USP34: variants seen among roughly 807,000 people sequenced by gnomAD.
USP34 encodes ubiquitin carboxyl-terminal hydrolase 34.
In USP34, 70 loss-of-function variants were observed where a neutral mutation model predicts 460.3. That is an observed-to-expected ratio of 0.15 (90% CI 0.13 to 0.19). The LOEUF (loss-of-function observed/expected upper bound fraction) is 0.19, where lower values mean the gene tolerates loss of function less well. Among genes scored for constraint, USP34 ranks in the 10% least tolerant of loss-of-function variants. The pLI is 1.00. For synonymous variants in USP34, 1,647 were observed against 1,405.3 expected (o/e 1.17, Z -3.85); for missense variants, 3,985 against 4,236.2 (o/e 0.94, Z 1.65).
chr2:61,271,553 A>T (rs1032949439), intron 41 of USP34, among the ~76,000 whole-genome samples: 2 of 152,288 alleles, frequency 1.3e-5, no homozygotes, highest in East Asian at 3.9e-4. Flanking sequence ...TAGGAATGAT[A>T]CTCATACTTT....
chr2:61,210,711 C>T, intron 69 of USP34, among the ~76,000 whole-genome samples: 1 of 151,988 alleles, frequency 6.6e-6, no homozygotes, highest in East Asian at 1.9e-4. Flanking sequence ...GTTAAGAAAG[C>T]TCCAAATCTT....
At chr2:61,329,804 TATAAG>T (rs1233744204) in intron 20 of USP34, among the ~76,000 whole-genome samples, 1 of 152,182 alleles carries the variant, frequency 6.6e-6, no homozygotes, top group Non-Finnish European at 1.5e-5. Context: ...TATAAACACT[TATAAG>T]GTAAATAATT....
At chr2:61,420,062 C>T (rs1471905271) in intron 2 of USP34, among the ~76,000 whole-genome samples, 2 of 152,152 alleles carry the variant, frequency 1.3e-5, no homozygotes, top group South Asian at 4.1e-4. Flanking sequence ...AGACTGTATA[C>T]CTCAGAACAT....
At chr2:61,429,038 T>A (rs958468796) in intron 1 of USP34, among the ~76,000 whole-genome samples, 6 of 151,834 alleles carry the variant, frequency 4.0e-5, no homozygotes, top group African/African-American at 1.5e-4. Context: ...AAAAATAAAA[T>A]AAATAAAAAG....
intron 75 of USP34, among the ~76,000 whole-genome samples, chr2:61,195,671 C>T (rs1031957372): frequency 6.6e-6 from 1 of 151,960 alleles, no homozygotes. Context: ...GACTCTGTCT[C>T]AAACAAAACA....
chr2:61,363,692 T>C (rs895232701), intron 10 of USP34, among the ~76,000 whole-genome samples: 3 of 152,198 alleles, frequency 2.0e-5, no homozygotes, highest in Admixed American at 1.3e-4. Context: ...AACATGGTTA[T>C]ACAACACATG....
intron 6 of USP34, among the ~76,000 whole-genome samples, chr2:61,380,833 G>C (rs1028316659): frequency 1.3e-5 from 2 of 152,182 alleles, no homozygotes; most frequent in African/African-American, 2.4e-5. Context: ...CCTGCTGGAT[G>C]AAAGAGAAGT....
At chr2:61,360,329 T>A (rs941892157) in intron 10 of USP34, among the ~76,000 whole-genome samples, 3 of 152,024 alleles carry the variant, frequency 2.0e-5, no homozygotes, top group African/African-American at 7.2e-5. Context: ...CTGTTAGAAC[T>A]AATAAATGAA....
chr2:61,267,184 A>G (rs937735992), intron 41 of USP34, among the ~76,000 whole-genome samples: 1 of 152,040 alleles, frequency 6.6e-6, no homozygotes, highest in South Asian at 2.1e-4. Context: ...TTTTCTTTTC[A>G]TGATTTTGCT....
rs753929320 is a variant in USP34 at position 61,350,664 on chromosome 2, G to A, written c.1281C>T (p.Asp427=). 2.0e-5 allele frequency: 32 copies of A among 1,613,046 alleles called. No individual in the cohort carries two copies. Among genetic ancestry groups the A allele is most frequent in the Non-Finnish European group, 2.7e-5 (32 of 1,179,716 alleles). Residue 427 remains aspartate, a synonymous_variant, in exon 11 of 80, where the codon GAC becomes GAT. Coordinates refer to ENST00000398571, the MANE Select transcript of USP34 (RefSeq NM_014709.4). ...AATTCTTGATGAGTGAAGGAAATAA[G>A]TCATGTATATACCGACTACAATGTT... ...QLKHCSRYIH[D]LFPSLIKNLD...
At chr2:61,351,106 G>A (rs1184910059) in intron 10 of USP34, among the ~76,000 whole-genome samples, 1 of 152,066 alleles carries the variant, frequency 6.6e-6, no homozygotes, top group East Asian at 1.9e-4. Flanking sequence ...GCACACCTGT[G>A]GTCCCAGCTA....
intron 25 of USP34, among the ~76,000 whole-genome samples, chr2:61,312,865 C>T (rs905379211): frequency 3.3e-5 from 5 of 152,158 alleles, no homozygotes; most frequent in Admixed American, 2.6e-4. Flanking sequence ...TCTTGGGAAA[C>T]AAAAACACTT....
chr2:61,470,435 C>A (rs960580396), intron 1 of USP34, among the ~76,000 whole-genome samples: 9 of 150,306 alleles, frequency 6.0e-5, no homozygotes, highest in African/African-American at 2.2e-4. Context: ...CGGAGCTCCG[C>A]GGCGGCCGCC....
intron 10 of USP34, among the ~76,000 whole-genome samples, chr2:61,357,670 G>C (rs944883753): frequency 6.6e-6 from 1 of 152,184 alleles, no homozygotes; most frequent in African/African-American, 2.4e-5. Context: ...AGAGGCCAAG[G>C]GGGAAAGACT....
At chr2:61,193,601 A>G (rs928339100) in intron 75 of USP34, among the ~76,000 whole-genome samples, 2 of 152,146 alleles carry the variant, frequency 1.3e-5, no homozygotes, top group African/African-American at 4.8e-5. Context: ...TTCCAGATGT[A>G]AAATATGTCA....
chr2:61,465,844 GCGGGCGCCTGTAGTTCCAGC>G (rs1178214225), intron 1 of USP34, among the ~76,000 whole-genome samples: 23 of 152,068 alleles, frequency 1.5e-4, no homozygotes, highest in Admixed American at 1.5e-3. Flanking sequence ...GGGCGTGGTA[GCGGGCGCCTGTAGTTCCAGC>G]TCCTCGGGAA....
chr2:61,411,357 G>C (rs1240567566), intron 2 of USP34, among the ~76,000 whole-genome samples: 5 of 148,444 alleles, frequency 3.4e-5, no homozygotes, highest in Non-Finnish European at 7.4e-5. Flanking sequence ...CTCCAGCCCA[G>C]GTGACAGATC....
rs1348258304 is a variant in USP34 at position 61,470,635 on chromosome 2, A to G, written c.43+15T>C. ...AAACCGTGCACCCCGACAGGCCGCT[A>G]CCGCGGCTACTTACTTTCATTTAAC... On this transcript the variant is annotated intron_variant, in intron 1 of 79. Coordinates refer to ENST00000398571, the MANE Select transcript of USP34 (RefSeq NM_014709.4). 1 of 1,506,704 alleles carries G rather than the reference A, an allele frequency of 6.6e-7. No individual in the cohort carries two copies. The highest frequency in any genetic ancestry group is 9.1e-7 in the Non-Finnish European group (1 of 1,098,050). The allele number at this position is 1,506,704 out of a possible 1,614,324, so 93.3% of individuals were successfully genotyped here.
chr2:61,307,342 C>T (rs1690444042), intron 27 of USP34, among the ~76,000 whole-genome samples: 1 of 151,396 alleles, frequency 6.6e-6, no homozygotes, highest in African/African-American at 2.4e-5. Context: ...GGAGGGATAG[C>T]ATTAGGAGAT....
Sources: allele counts gnomAD v4.1 joint callset (sites outside exome capture counted in the v4.1 genomes callset), GRCh38; gene constraint gnomAD v4.1.1; transcripts MANE v1.5; gene names NCBI Gene and HGNC (gene_info 2026-07-23, HGNC 2026-07-21).